Variants in WIPI2 observed in about 807,000 individuals in gnomAD.
WIPI2 encodes WD repeat domain, phosphoinositide interacting 2.
Under a neutral mutation model 52.3 loss-of-function variants are expected in WIPI2, and 28 were observed. The ratio of observed to expected loss-of-function variants is 0.54; its 90% CI spans 0.40 to 0.73. The LOEUF is 0.73. Among genes scored for constraint, WIPI2 ranks in the 30% least tolerant of loss-of-function variants. The probability of loss-of-function intolerance (pLI) is 0.00; values close to 1 mark genes in which losing one functional copy is unlikely to be tolerated. For synonymous variants in WIPI2, 268 were observed against 245.0 expected, an observed-to-expected ratio of 1.09 and a Z score of -0.88; for missense variants, 506 against 602.9, an observed-to-expected ratio of 0.84 and a Z score of 1.68.
intron 1 of WIPI2, 152 bp downstream of exon 1, chr7:5,190,645 C>A: frequency 1.4e-6 from 1 of 715,026 alleles, no homozygotes; most frequent in Non-Finnish European, 2.0e-6. Flanking sequence ...GGGCCCGGGG[C>A]GTGCAGGGAG....
In WIPI2 at chr7:5,227,995, C is replaced by A. The variant is rs970910162; in HGVS notation, c.1014-109C>A. On this transcript the variant is annotated intron_variant, in intron 10 of 12. Coordinates refer to ENST00000288828, the MANE Select transcript of WIPI2 (RefSeq NM_015610.4). This position sits in a 1 kb window ranked among gnomAD's most constrained non-coding sequence, Gnocchi z 8.1. ...CCAGACACCTGCAGCTGCCCTTGTG[C>A]TCATCTTGCTGGGGTCTCTTTCCTC... The A allele has an allele frequency of 2.4e-5, 24 of 993,392 alleles. No individual in the cohort carries two copies. The highest frequency in any genetic ancestry group is 3.7e-5 in the Non-Finnish European group (24 of 642,372). The allele number at this position is 993,392 out of a possible 1,614,324, so 61.5% of individuals were successfully genotyped here.
chr7:5,225,230 T>C (rs1783366651), intron 8 of WIPI2, among the ~76,000 whole-genome samples: 1 of 151,856 alleles, frequency 6.6e-6, no homozygotes, highest in Admixed American at 6.6e-5. Context: ...AACCTCTGCC[T>C]CCCAGGTTCA....
At chr7:5,194,802 TAGAA>T (rs1234725063) in intron 2 of WIPI2, among the ~76,000 whole-genome samples, 2 of 151,908 alleles carry the variant, frequency 1.3e-5, no homozygotes, top group Non-Finnish European at 2.9e-5. Context: ...ACTCATACGA[TAGAA>T]AGAATGAGAA....
Position 5,217,360 on chromosome 7 carries a change from A to G in WIPI2, c.576+173A>G. ...GGCTCTGTCGCCCATGCTGGAGTGC[A>G]GTGGTGCAGTCCTAGCTCACTGCAG... On this transcript the variant is annotated intron_variant, in intron 6 of 12. Transcript: ENST00000288828. 4.4e-6 allele frequency: 3 copies of G among 677,990 alleles called. No homozygotes were observed. In the South Asian group the frequency reaches 5.1e-5, roughly 11 times the overall value. 42.0% of individuals were successfully genotyped at this position (677,990 alleles called of 1,614,324 possible).
At chr7:5,191,220 C>T (rs544735804) in intron 1 of WIPI2, among the ~76,000 whole-genome samples, 1 of 152,162 alleles carries the variant, frequency 6.6e-6, no homozygotes, top group Non-Finnish European at 1.5e-5. Context: ...CAGGGTTTCA[C>T]CATGTTGGTC....
chr7:5,226,786 A>G (rs906849873), intron 9 of WIPI2: 1 of 143,612 alleles, frequency 7.0e-6, no homozygotes, highest in Non-Finnish European at 1.5e-5. Flanking sequence ...GAATAGCAAC[A>G]CAAACAGGAT....
At chr7:5,200,599 G>A (rs774642053) in intron 3 of WIPI2, among the ~76,000 whole-genome samples, 8 of 151,994 alleles carry the variant, frequency 5.3e-5, no homozygotes, top group Non-Finnish European at 8.8e-5. Context: ...TACTGCCCAG[G>A]CTGGAGTGCA....
intron 7 of WIPI2, 60 bp downstream of exon 7, chr7:5,218,074 T>G: frequency 6.4e-7 from 1 of 1,569,838 alleles, no homozygotes; most frequent in Non-Finnish European, 8.8e-7. Flanking sequence ...CTTTTTCAGT[T>G]CTGTTCACAC....
chr7:5,194,363 C>T (rs1484584181), intron 2 of WIPI2, among the ~76,000 whole-genome samples: 2 of 152,148 alleles, frequency 1.3e-5, no homozygotes, highest in Admixed American at 6.5e-5. Context: ...ATGGCTTCTC[C>T]GCAAAGATGA....
intron 3 of WIPI2, among the ~76,000 whole-genome samples, chr7:5,204,696 G>T (rs897068439): frequency 1.4e-5 from 2 of 147,954 alleles, no homozygotes; most frequent in Non-Finnish European, 3.0e-5. Context: ...CTACTACTGC[G>T]TTTTTTTTTT....
intron 11 of WIPI2, 70 bp downstream of exon 11, chr7:5,228,281 C>A (rs906222335): frequency 1.2e-5 from 16 of 1,379,902 alleles, no homozygotes; most frequent in African/African-American, 1.5e-5. Flanking sequence ...ACCTGGCGAA[C>A]GTTTGTTTAT....
At chr7:5,217,554 C>G (rs944689045) in intron 6 of WIPI2, 1 of 398,920 alleles carries the variant, frequency 2.5e-6, no homozygotes, top group East Asian at 5.7e-5. Context: ...GCCTCGGCCC[C>G]CTAAAGTGCT....
chr7:5,214,801 TG>T, intron 4 of WIPI2, 97 bp downstream of exon 4: 1 of 1,411,790 alleles, frequency 7.1e-7, no homozygotes, highest in Non-Finnish European at 9.8e-7. Flanking sequence ...GTCATTCCCT[TG>T]CTGCCTGGCC....
chr7:5,215,021 A>T (rs1461358708), intron 4 of WIPI2, among the ~76,000 whole-genome samples: 1 of 152,176 alleles, frequency 6.6e-6, no homozygotes, highest in Admixed American at 6.6e-5. Flanking sequence ...CTTAAAAAAA[A>T]TATATTTGGC....
chr7:5,196,015 G>A (rs1432788287), intron 2 of WIPI2, among the ~76,000 whole-genome samples: 2 of 151,384 alleles, frequency 1.3e-5, no homozygotes, highest in African/African-American at 2.4e-5. Flanking sequence ...TCTAGCCTGG[G>A]CAACAGAGCA....
intron 4 of WIPI2, among the ~76,000 whole-genome samples, chr7:5,215,657 A>T (rs1782776823): frequency 6.6e-6 from 1 of 152,262 alleles, no homozygotes; most frequent in Non-Finnish European, 1.5e-5. Flanking sequence ...CACAGTAGAG[A>T]CGTTCTTGCC....
rs1783790489 is a variant in WIPI2 at position 5,232,829 on chromosome 7, G to T, written c.*1882G>T. On this transcript the variant is annotated 3_prime_UTR_variant, in exon 13 of 13. Coordinates refer to ENST00000288828, the MANE Select transcript of WIPI2 (RefSeq NM_015610.4). The stretch of plus-strand genomic sequence containing the variant: ...GCTGCATTTCCAGTTCTGCGTTAAA[G>T]TATCGTTTGTTCTGGTGCCTGCCTG... 2 of 153,082 alleles carry T rather than the reference G, an allele frequency of 1.3e-5. No homozygotes were observed. Among genetic ancestry groups the T allele is most frequent in the Non-Finnish European group, 2.9e-5 (2 of 68,632 alleles). 9.5% of individuals were successfully genotyped at this position (153,082 alleles called of 1,614,324 possible).
intron 1 of WIPI2, among the ~76,000 whole-genome samples, chr7:5,191,436 C>T (rs1479570347): frequency 6.6e-6 from 1 of 152,214 alleles, no homozygotes; most frequent in Non-Finnish European, 1.5e-5. Flanking sequence ...AGAGGCGTTA[C>T]GGACCAGTGC....
intron 9 of WIPI2, 142 bp downstream of exon 9, chr7:5,226,072 G>A (rs1783416501): frequency 1.3e-6 from 1 of 755,592 alleles, no homozygotes; most frequent in African/African-American, 1.7e-5. Flanking sequence ...CATGGAGCGA[G>A]CACCTCCGCA....
Sources: allele counts gnomAD v4.1 joint callset (sites outside exome capture counted in the v4.1 genomes callset), GRCh38; gene constraint gnomAD v4.1.1; non-coding constraint Gnocchi (gnomAD v3.1); transcripts MANE v1.5; gene names NCBI Gene and HGNC (gene_info 2026-07-23, HGNC 2026-07-21).